The following CCDC136 variants were observed in gnomAD, a reference collection of about 807,000 sequenced individuals.
CCDC136 encodes coiled-coil domain containing 136, also known as coiled-coil domain-containing protein 136.
A neutral mutation model predicts 141.2 loss-of-function variants in CCDC136; 100 were observed. The observed-to-expected ratio is 0.71, with a 90% CI of 0.60 to 0.84. The LOEUF (loss-of-function observed/expected upper bound fraction) is 0.84. Ranked by LOEUF, CCDC136 falls within the 40% of genes least tolerant of loss-of-function variation. The pLI is 0.00. For synonymous variants in CCDC136, 474 were observed against 531.9 expected (o/e 0.89, Z 1.50); for missense variants, 1,206 against 1,379.4 (o/e 0.87, Z 1.99).
chr7:128,804,134 C>T (rs528459944), intron 4 of CCDC136, among the ~76,000 whole-genome samples: 5 of 152,304 alleles, frequency 3.3e-5, no homozygotes. Flanking sequence ...TTACCACATC[C>T]AGACCAATGT....
At chr7:128,813,926 G>A (rs1288454164) in intron 14 of CCDC136, among the ~76,000 whole-genome samples, 1 of 151,970 alleles carries the variant, frequency 6.6e-6, no homozygotes, top group Non-Finnish European at 1.5e-5. Flanking sequence ...AGGTTGCGGT[G>A]AGCCAAGATC....
chr7:128,791,128 C>G (rs1434731173), upstream of CCDC136, among the ~76,000 whole-genome samples: 1 of 152,202 alleles, frequency 6.6e-6, no homozygotes, highest in African/African-American at 2.4e-5. This position sits in a 1 kb window ranked among gnomAD's most constrained non-coding sequence, Gnocchi z 7.1. Context: ...CTGGGCACAG[C>G]AGACCCCGGG....
rs762439083 is a variant in CCDC136 at position 128,807,350 on chromosome 7, C to T, written c.1420-10C>T. The T allele has an allele frequency of 6.8e-7, 1 of 1,467,970 alleles. No individual in the cohort carries two copies. The highest frequency in any genetic ancestry group is 1.4e-5 in the South Asian group (1 of 69,524). 90.9% of individuals were successfully genotyped at this position (1,467,970 alleles called of 1,614,324 possible). A position where few individuals can be genotyped will look rare whatever the true frequency, so the allele number is the denominator to read the frequency against. On this transcript the variant is annotated splice_polypyrimidine_tract_variant and intron_variant, in intron 9 of 17. Coordinates refer to ENST00000297788, the MANE Select transcript of CCDC136 (RefSeq NM_022742.5). Reference sequence around the variant, plus strand: ...CTGGGATGATGGCCAGGCCTGCCTCCCCTGCCCAGGACACAGAGACGCACG... The same window carrying T: ...CTGGGATGATGGCCAGGCCTGCCTCTCCTGCCCAGGACACAGAGACGCACG...
chr7:128,815,937 C>G lies in CCDC136; in HGVS notation c.3363+6C>G, dbSNP rs1806555757. Reference sequence around the variant, plus strand: ...GACTTTCCGAGAGCAAAAAGGTAACCAGAGCCAAAGCCTAGATCAAGTGGG... The same window carrying G: ...GACTTTCCGAGAGCAAAAAGGTAACGAGAGCCAAAGCCTAGATCAAGTGGG... On this transcript the variant is annotated splice_donor_region_variant and intron_variant, in intron 16 of 17. Transcript: ENST00000297788. 1 of 1,606,704 alleles carries G rather than the reference C, an allele frequency of 6.2e-7. No individual in the cohort carries two copies. Among genetic ancestry groups the G allele is most frequent in the Non-Finnish European group, 8.5e-7 (1 of 1,176,330 alleles).
intron 1 of CCDC136, 35 bp downstream of exon 1, chr7:128,792,462 C>A: frequency 1.3e-6 from 2 of 1,518,766 alleles, no homozygotes; most frequent in South Asian, 1.2e-5. Context: ...TCTTTCCCCT[C>A]CCCTCCTCCC....
chr7:128,818,693 T>C (rs751033262), intron 17 of CCDC136, among the ~76,000 whole-genome samples: 28 of 152,188 alleles, frequency 1.8e-4, no homozygotes, highest in Non-Finnish European at 3.7e-4. Flanking sequence ...TTCTGGCCAC[T>C]TTCCTGTCAG....
chr7:128,813,830 A>G lies in CCDC136; in HGVS notation c.2764-808A>G, dbSNP rs549527239. On this transcript the variant is annotated intron_variant, in intron 14 of 17. Coordinates refer to ENST00000297788, the MANE Select transcript of CCDC136 (RefSeq NM_022742.5). The stretch of plus-strand genomic sequence containing the variant: ...ACCCCATCTCTACTAAAAATACACA[A>G]AATTAGCTGGGCATGGTGGCGCATG... Among the ~76,000 whole-genome samples, 4 of 152,154 alleles carry G rather than the reference A, an allele frequency of 2.6e-5. No homozygotes were observed. The East Asian group carries it at 7.8e-4, about 30-fold the overall frequency.
In CCDC136 at chr7:128,814,883, C is replaced by T; in HGVS notation, c.3009C>T (p.Cys1003=). ...GVKMKKVTKP[C]SDTSESDLET... ...AAATGAAAAAGGTGACCAAGCCATG[C>T]TCGGATACTTCTGAGAGCGACCTTG... The change falls in exon 15 of 18, where the codon TGC becomes TGT. Residue 1003 remains cysteine, a synonymous_variant. Coordinates refer to ENST00000297788, the MANE Select transcript of CCDC136 (RefSeq NM_022742.5). 1.9e-6 allele frequency: 3 copies of T among 1,604,930 alleles called. No individual in the cohort carries two copies. Among genetic ancestry groups the T allele is most frequent in the Non-Finnish European group, 2.6e-6 (3 of 1,175,374 alleles).
chr7:128,795,737 C>T (rs1802847380), intron 3 of CCDC136, among the ~76,000 whole-genome samples: 1 of 152,076 alleles, frequency 6.6e-6, no homozygotes, highest in African/African-American at 2.4e-5. Context: ...GGGCAAGTCA[C>T]TTATCTTTCT....
chr7:128,806,660 G>C (rs1300445097), intron 8 of CCDC136, 28 bp from the exon 9 acceptor site: 1 of 1,595,502 alleles, frequency 6.3e-7, no homozygotes, highest in Non-Finnish European at 8.5e-7. Flanking sequence ...GAGCCCAAAG[G>C]CACTGCCCAA....
In CCDC136 at chr7:128,808,329, G is replaced by A. The variant is rs144534601; in HGVS notation, c.1605+784G>A. On this transcript the variant is annotated intron_variant, in intron 10 of 17. Coordinates refer to ENST00000297788, the MANE Select transcript of CCDC136 (RefSeq NM_022742.5). ...TGGGATTACAGGCATGAGCCGCCAT[G>A]CCCTGCCAGTAATTAAATTGTGGAA... 1,313 of 359,852 alleles carry A rather than the reference G, an allele frequency of 3.6e-3. 20 individuals are homozygous for A. The highest frequency in any genetic ancestry group is 0.028 in the African/African-American group (1,260 of 45,184). 22.3% of individuals were successfully genotyped at this position (359,852 alleles called of 1,614,324 possible). A position where few individuals can be genotyped will look rare whatever the true frequency, so the allele number is the denominator to read the frequency against.
At chr7:128,799,197 A>AAAT (rs1162924208) in intron 3 of CCDC136, among the ~76,000 whole-genome samples, 12 of 138,510 alleles carry the variant, frequency 8.7e-5, no homozygotes, top group Non-Finnish European at 1.8e-4. Flanking sequence ...AAAAAAAAAA[A>AAAT]GCAGGGCATG....
rs1288175298 is a variant in CCDC136, at chr7:128,801,507, A to G, written c.668A>G (p.Gln223Arg). Residue 223 changes from glutamine to arginine, a missense_variant and splice_region_variant, in exon 4 of 18, where the codon CAA (glutamine) becomes CGA (arginine). By Grantham distance (43) the Gln-to-Arg change is conservative. Coordinates refer to ENST00000297788, the MANE Select transcript of CCDC136 (RefSeq NM_022742.5). ...SLGLSDYSGLQEELQELRERY... is the reference protein window; with the variant it reads ...SLGLSDYSGLREELQELRERY... ...GGTCTCTCAGATTACTCTGGGTTAC[A>G]AGGTATGAGAGCCATCAAGTGGGTC... 6.3e-7 allele frequency: 1 copy of G among 1,596,206 alleles called. No homozygotes were observed. The highest frequency in any genetic ancestry group is 1.1e-5 in the South Asian group (1 of 89,422).
intron 17 of CCDC136, among the ~76,000 whole-genome samples, chr7:128,820,695 C>T (rs1054345811): frequency 6.6e-6 from 1 of 152,218 alleles, no homozygotes; most frequent in Non-Finnish European, 1.5e-5. Context: ...AACTCCCGGT[C>T]TCAAGCGATC....
intron 3 of CCDC136, among the ~76,000 whole-genome samples, chr7:128,799,992 C>T (rs1585067672): frequency 6.6e-6 from 1 of 152,104 alleles, no homozygotes; most frequent in South Asian, 2.1e-4. Context: ...ATCCAAACAG[C>T]ACAGATAGAT....
chr7:128,796,876 G>A (rs186993986), intron 3 of CCDC136, among the ~76,000 whole-genome samples: 2 of 148,136 alleles, frequency 1.4e-5, no homozygotes, highest in Admixed American at 6.7e-5. Flanking sequence ...CAAGTAGCTG[G>A]GACTACAGGC....
chr7:128,796,354 G>C (rs1802946403), intron 3 of CCDC136, among the ~76,000 whole-genome samples: 1 of 152,104 alleles, frequency 6.6e-6, no homozygotes, highest in Admixed American at 6.6e-5. Context: ...CCAGAGGTGA[G>C]AATGAGCTTC....
At chr7:128,799,579 T>TAC (rs960541323) in intron 3 of CCDC136, among the ~76,000 whole-genome samples, 6 of 152,006 alleles carry the variant, frequency 3.9e-5, no homozygotes, top group African/African-American at 1.4e-4. Flanking sequence ...GAGACTTAAG[T>TAC]ACACACACAC....
In CCDC136 at chr7:128,805,285, AG is replaced by A; in HGVS notation, c.783-72del. 7.4e-7 allele frequency: 1 copy of A among 1,357,482 alleles called. No individual in the cohort carries two copies. 84.1% of individuals were successfully genotyped at this position (1,357,482 alleles called of 1,614,324 possible). ...ATCTTTGGCCTAAAATGAAGGTATC[AG>A]GACAAAGCCTGCATGGCTGGTGATG... On this transcript the variant is annotated intron_variant, in intron 5 of 17. Transcript: ENST00000297788. This position sits in a 1 kb window ranked among gnomAD's most constrained non-coding sequence, Gnocchi z 4.6.
Sources: allele counts gnomAD v4.1 joint callset (sites outside exome capture counted in the v4.1 genomes callset), GRCh38; gene constraint gnomAD v4.1.1; non-coding constraint Gnocchi (gnomAD v3.1); transcripts MANE v1.5; gene names NCBI Gene and HGNC (gene_info 2026-07-23, HGNC 2026-07-21).